GARNL3: variants seen among roughly 807,000 people sequenced by gnomAD.
GARNL3 encodes the protein GTPase activating Rap/RanGAP domain like 3, also known as GTPase-activating Rap/Ran-GAP domain-like protein 3.
GARNL3 carries 63 observed loss-of-function variants against 125.0 expected under a neutral mutation model. The ratio of observed to expected loss-of-function variants is 0.50; its 90% CI spans 0.41 to 0.62. The LOEUF (loss-of-function observed/expected upper bound fraction) is 0.62, where lower values mean the gene tolerates loss of function less well. GARNL3 is among the 20% of genes least tolerant of loss of function. The pLI is 0.00. For missense variants in GARNL3, 994 were observed against 1,244.0 expected, an observed-to-expected ratio of 0.80 and a Z score of 3.02; for synonymous variants, 439 against 457.5, an observed-to-expected ratio of 0.96 and a Z score of 0.52.
intron 11 of GARNL3, among the ~76,000 whole-genome samples, chr9:127,337,827 A>C (rs1829637420): frequency 1.3e-5 from 2 of 152,132 alleles, no homozygotes; most frequent in Non-Finnish European, 2.9e-5. Context: ...CTGACTGCTT[A>C]GTTGTTTAAT....
intron 2 of GARNL3, among the ~76,000 whole-genome samples, chr9:127,308,530 A>C (rs889193628): frequency 6.6e-6 from 1 of 152,118 alleles, no homozygotes; most frequent in Admixed American, 6.6e-5. Context: ...CCTTCAACCT[A>C]AAATACAAAA....
chr9:127,259,977 G>A (rs1272500452), upstream of GARNL3, among the ~76,000 whole-genome samples: 1 of 152,174 alleles, frequency 6.6e-6, no homozygotes, highest in African/African-American at 2.4e-5. Context: ...AGCCTGCAGT[G>A]AGCTATGATT....
chr9:127,261,054 G>T (rs1036905174), upstream of GARNL3, among the ~76,000 whole-genome samples: 1 of 151,998 alleles, frequency 6.6e-6, no homozygotes, highest in African/African-American at 2.4e-5. Context: ...TCAGGAGTTC[G>T]AGACCAGCCT....
At chr9:127,270,128 C>T (rs544848975) in intron 1 of GARNL3, among the ~76,000 whole-genome samples, 26 of 152,220 alleles carry the variant, frequency 1.7e-4, no homozygotes, top group Admixed American at 1.5e-3. Context: ...AGTCCAGCTG[C>T]ATTCTCTTGC....
In GARNL3 at chr9:127,392,004, T is replaced by G. The variant is rs1487274323; in HGVS notation, c.2871-1079T>G. 3.3e-5 allele frequency among the ~76,000 whole-genome samples: 5 copies of G among 152,236 alleles called. No individual in the cohort carries two copies. The highest frequency in any genetic ancestry group is 7.3e-5 in the Non-Finnish European group (5 of 68,046). On this transcript the variant is annotated intron_variant, in intron 27 of 27. Coordinates refer to ENST00000373387, the MANE Select transcript of GARNL3 (RefSeq NM_032293.5). This position sits in a 1 kb window ranked among gnomAD's most constrained non-coding sequence, Gnocchi z 5.2. ...TTGGGTATTAAGATATGGAAAGGAC[T>G]AAGCCCCCACCTGTGCCTTCAAGGG...
chr9:127,351,375 G>GT (rs1476717404), intron 17 of GARNL3, among the ~76,000 whole-genome samples: 2 of 151,926 alleles, frequency 1.3e-5, no homozygotes, highest in African/African-American at 4.8e-5. Flanking sequence ...TCAACAGGAT[G>GT]GTGGGTGTAG....
chr9:127,375,390 C>T (rs1279806635), intron 22 of GARNL3, among the ~76,000 whole-genome samples: 5 of 150,304 alleles, frequency 3.3e-5, no homozygotes, highest in Non-Finnish European at 3.0e-5. Context: ...TGCTGGAACC[C>T]GGGAGGCAGA....
At chr9:127,309,719 C>T (rs1245996038) in intron 2 of GARNL3, among the ~76,000 whole-genome samples, 1 of 151,604 alleles carries the variant, frequency 6.6e-6, no homozygotes, top group East Asian at 1.9e-4. Flanking sequence ...CCCATTTAAC[C>T]TGTTCTCTCA....
upstream of GARNL3, chr9:127,263,593 A>T (rs1742883356): frequency 1.5e-6 from 1 of 684,694 alleles, no homozygotes; most frequent in African/African-American, 1.9e-5. Context: ...TATTTAATAC[A>T]GATTGGAATA....
At chr9:127,360,617 G>T (rs1830944563) in intron 21 of GARNL3, among the ~76,000 whole-genome samples, 1 of 152,228 alleles carries the variant, frequency 6.6e-6, no homozygotes, top group Non-Finnish European at 1.5e-5. Flanking sequence ...TTACCAAGAT[G>T]TTCCTGCAGC....
chr9:127,253,540 T>G (rs1409731240), intron 2 of GARNL3, among the ~76,000 whole-genome samples: 1 of 152,166 alleles, frequency 6.6e-6, no homozygotes, highest in Non-Finnish European at 1.5e-5. Flanking sequence ...TTAATCAGAT[T>G]CCCTCTTTGT....
In GARNL3 at chr9:127,383,937, A is replaced by C. The variant is rs112401849; in HGVS notation, c.2269+392A>C. On this transcript the variant is annotated intron_variant, in intron 23 of 27. Transcript: ENST00000373387. The stretch of plus-strand genomic sequence containing the variant: ...GGAGAAGCACAGTGCTTTCAGGGCC[A>C]TTGGTATATGTTTCATAGAAATTCA... Among the ~76,000 whole-genome samples the C allele has an allele frequency of 4.9e-3, 753 of 152,272 alleles. 1 individual carries two copies. The highest frequency in any genetic ancestry group is 0.017 in the African/African-American group (724 of 41,566).
chr9:127,277,495 G>C (rs1441071761), intron 1 of GARNL3, among the ~76,000 whole-genome samples: 1 of 151,434 alleles, frequency 6.6e-6, no homozygotes, highest in Non-Finnish European at 1.5e-5. Context: ...CTAATGTACA[G>C]CTCTGGCAAC....
intron 22 of GARNL3, among the ~76,000 whole-genome samples, chr9:127,369,786 G>A (rs1046648650): frequency 6.6e-6 from 1 of 152,170 alleles, no homozygotes; most frequent in African/African-American, 2.4e-5. Context: ...CTACAGGAAG[G>A]GTCTTTTTGT....
intron 2 of GARNL3, among the ~76,000 whole-genome samples, chr9:127,302,596 A>T (rs2064833979): frequency 1.3e-5 from 2 of 152,230 alleles, no homozygotes; most frequent in African/African-American, 4.8e-5. Context: ...AAAACAAAAA[A>T]ATGGGAAATA....
intron 23 of GARNL3, among the ~76,000 whole-genome samples, chr9:127,383,759 G>C (rs575472538): frequency 6.6e-6 from 1 of 152,080 alleles, no homozygotes; most frequent in South Asian, 2.1e-4. Context: ...GTTTCTCTCA[G>C]TGCCTGAGCA....
At chr9:127,389,921 TAAAAAAA>T (rs1169168184) in intron 26 of GARNL3, among the ~76,000 whole-genome samples, 4 of 78,686 alleles carry the variant, frequency 5.1e-5, no homozygotes, top group African/African-American at 1.0e-4. Flanking sequence ...ACCCTGTCTT[TAAAAAAA>T]AAAAAAAAAA....
intron 6 of GARNL3, among the ~76,000 whole-genome samples, chr9:127,322,860 C>G (rs1405356441): frequency 6.6e-6 from 1 of 152,100 alleles, no homozygotes; most frequent in African/African-American, 2.4e-5. Flanking sequence ...TTTCCTTGAC[C>G]AAAATCCAGA....
intron 26 of GARNL3, among the ~76,000 whole-genome samples, 173 bp from the exon 27 acceptor site, chr9:127,390,468 A>C (rs748025474): frequency 2.0e-5 from 3 of 152,214 alleles, no homozygotes; most frequent in Non-Finnish European, 4.4e-5. Flanking sequence ...TCAGAAAAGA[A>C]AAACCTTCTA....
Sources: gnomAD v4.1 joint callset for allele counts (sites outside exome capture counted in the v4.1 genomes callset) on GRCh38, gnomAD v4.1.1 for gene constraint, Gnocchi (gnomAD v3.1) non-coding constraint, MANE v1.5 for transcripts, NCBI Gene and HGNC (gene_info 2026-07-23, HGNC 2026-07-21) for gene names.